The following ELL variants were observed in gnomAD, a reference collection of about 807,000 sequenced individuals.
The protein encoded by ELL is elongation factor for RNA polymerase II, also known as RNA polymerase II elongation factor ELL.
Under a neutral mutation model 64.0 loss-of-function variants are expected in ELL, and 18 were observed. The ratio of observed to expected loss-of-function variants is 0.28; its 90% confidence interval spans 0.19 to 0.42. The LOEUF is 0.42. ELL is among the 10% of genes least tolerant of loss of function. The pLI, the probability that ELL is intolerant of heterozygous loss-of-function variation, is 1.00. For missense variants in ELL, 797 were observed against 870.4 expected, an observed-to-expected ratio of 0.92 and a Z score of 1.06; for synonymous variants, 399 against 376.2, an observed-to-expected ratio of 1.06 and a Z score of -0.70.
At chr19:18,471,021 T>C (rs1292552794) in intron 2 of ELL, 1 of 455,978 alleles carries the variant, frequency 2.2e-6, no homozygotes, top group Non-Finnish European at 4.4e-6. Flanking sequence ...CATCCAGCTG[T>C]GCAGAGCTCT....
rs138389702 is a variant in ELL, at chr19:18,489,151, G to C, written c.136-16269C>G. Among the ~76,000 whole-genome samples, 402 of 152,312 alleles carry C rather than the reference G, an allele frequency of 2.6e-3. 1 individual carries two copies. The highest frequency in any genetic ancestry group is 8.4e-3 in the African/African-American group (349 of 41,552). On this transcript the variant is annotated intron_variant, in intron 1 of 11. Transcript: ENST00000262809. ...TTTCGGCTCAAGGTGACATGGATTG[G>C]GTATTTGCCTAGCAGCTGACACACA...
Position 18,443,739 on chromosome 19 carries a change from T to A in ELL, c.*1013A>T, listed in dbSNP as rs1040150652. The A allele has an allele frequency of 4.3e-6, 1 of 232,928 alleles. No individual in the cohort carries two copies. Among genetic ancestry groups the A allele is most frequent in the Admixed American group, 5.6e-5 (1 of 17,756 alleles). The allele number at this position is 232,928 out of a possible 1,614,324, so 14.4% of individuals were successfully genotyped here. ...CTGGCTCCCCAGCTCTGCCCATGGGTCCCTGGGGCCTCCCTGACCCCATGG... is the reference window on the plus strand; with the variant it reads ...CTGGCTCCCCAGCTCTGCCCATGGGACCCTGGGGCCTCCCTGACCCCATGG... On this transcript the variant is annotated 3_prime_UTR_variant, in exon 12 of 12. Transcript: ENST00000262809.
At chr19:18,475,305 C>T (rs781040734) in intron 1 of ELL, among the ~76,000 whole-genome samples, 4 of 152,104 alleles carry the variant, frequency 2.6e-5, no homozygotes, top group Non-Finnish European at 5.9e-5. Flanking sequence ...AACATAACCA[C>T]ACTGAGATAG....
intron 5 of ELL, among the ~76,000 whole-genome samples, chr19:18,460,334 C>A (rs1045472006): frequency 6.6e-6 from 1 of 152,180 alleles, no homozygotes; most frequent in African/African-American, 2.4e-5. Context: ...AAGAAGCAGA[C>A]GAGCTGTCCA....
chr19:18,510,046 G>A (rs1270146999), intron 1 of ELL, among the ~76,000 whole-genome samples: 2 of 152,162 alleles, frequency 1.3e-5, no homozygotes, highest in Admixed American at 1.3e-4. Flanking sequence ...CTCACCCAAG[G>A]CCCTTCCTAA....
chr19:18,504,360 T>C (rs996962930), intron 1 of ELL, among the ~76,000 whole-genome samples: 7 of 152,238 alleles, frequency 4.6e-5, no homozygotes, highest in South Asian at 2.1e-4. Context: ...CACATCCTGA[T>C]TGAAATCCAT....
intron 5 of ELL, among the ~76,000 whole-genome samples, chr19:18,460,075 G>T (rs1215087291): frequency 1.3e-5 from 2 of 152,110 alleles, no homozygotes; most frequent in African/African-American, 2.4e-5. Context: ...GGTTTCCCTG[G>T]GGCTCAGCCA....
intron 1 of ELL, among the ~76,000 whole-genome samples, chr19:18,516,391 G>A (rs1484005423): frequency 6.6e-6 from 1 of 152,222 alleles, no homozygotes; most frequent in Non-Finnish European, 1.5e-5. Flanking sequence ...CCTGCTGGAA[G>A]CACTCACTGA....
At chr19:18,455,537 G>A (rs139514827) in intron 6 of ELL, among the ~76,000 whole-genome samples, 2,059 of 151,688 alleles carry the variant, frequency 0.014, 19 homozygotes, top group African/African-American at 0.031. Flanking sequence ...ACGCAATGGG[G>A]AAGACTCTTA....
intron 2 of ELL, 43 bp from the exon 3 acceptor site, chr19:18,465,961 G>T: frequency 7.9e-7 from 1 of 1,268,244 alleles, no homozygotes. Flanking sequence ...GTCCTCGGCA[G>T]GACAGGTCCC....
chr19:18,513,445 A>G (rs1389245560), intron 1 of ELL, among the ~76,000 whole-genome samples: 1 of 152,168 alleles, frequency 6.6e-6, no homozygotes, highest in Non-Finnish European at 1.5e-5. Context: ...GAGACGCAAA[A>G]CCATATGATT....
intron 1 of ELL, among the ~76,000 whole-genome samples, chr19:18,492,000 C>CA (rs1302507642): frequency 5.9e-5 from 9 of 152,166 alleles, no homozygotes; most frequent in African/African-American, 2.2e-4. Context: ...GAGCCCTGAC[C>CA]AATACAGACT....
intron 4 of ELL, 62 bp downstream of exon 4, chr19:18,465,350 A>C: frequency 6.5e-7 from 1 of 1,532,260 alleles, no homozygotes; most frequent in Admixed American, 1.9e-5. Context: ...ACAGGCCCCA[A>C]ATGTCTCCCG....
At chr19:18,465,733 G>C (rs941118017) in intron 3 of ELL, 64 bp downstream of exon 3, 2 of 1,433,194 alleles carry the variant, frequency 1.4e-6, no homozygotes, top group Non-Finnish European at 1.8e-6. Context: ...CTCAACCCTG[G>C]GCCAGAGGTG....
intron 1 of ELL, among the ~76,000 whole-genome samples, chr19:18,495,416 C>A (rs1975627893): frequency 2.6e-5 from 4 of 152,186 alleles, no homozygotes; most frequent in Admixed American, 2.6e-4. Context: ...GTGGGCCCCA[C>A]CATTCCCACC....
At chr19:18,504,591 T>A (rs1186234028) in intron 1 of ELL, among the ~76,000 whole-genome samples, 2 of 152,148 alleles carry the variant, frequency 1.3e-5, no homozygotes, top group Non-Finnish European at 2.9e-5. Context: ...GGCCCACCTG[T>A]CAGGCCTCAG....
chr19:18,448,059 TAAA>T, intron 8 of ELL, among the ~76,000 whole-genome samples: 1 of 152,052 alleles, frequency 6.6e-6, no homozygotes, highest in African/African-American at 2.4e-5. Flanking sequence ...GCGTTGGGAT[TAAA>T]GGCATGAACC....
intron 1 of ELL, among the ~76,000 whole-genome samples, chr19:18,494,944 C>T (rs1975616561): frequency 6.6e-6 from 1 of 152,178 alleles, no homozygotes; most frequent in South Asian, 2.1e-4. Context: ...CCACCATGTG[C>T]CCAGGATTTG....
intron 1 of ELL, among the ~76,000 whole-genome samples, chr19:18,521,118 G>A (rs939633646): frequency 1.3e-5 from 2 of 152,010 alleles, no homozygotes; most frequent in Non-Finnish European, 2.9e-5. Context: ...CAGAGTCAGC[G>A]GCCAGATGTG....
Sources: gnomAD v4.1 joint callset for allele counts (sites outside exome capture counted in the v4.1 genomes callset) on GRCh38, gnomAD v4.1.1 for gene constraint, MANE v1.5 for transcripts, NCBI Gene and HGNC (gene_info 2026-07-23, HGNC 2026-07-21) for gene names.